DLGAP1: variants seen among roughly 807,000 people sequenced by gnomAD.
The protein encoded by DLGAP1 is DLG associated protein 1.
Under a neutral mutation model 90.8 loss-of-function variants are expected in DLGAP1, and 11 were observed. The observed-to-expected ratio is 0.12, with a 90% CI of 0.08 to 0.20. The LOEUF (loss-of-function observed/expected upper bound fraction) is 0.20. Among genes scored for constraint, DLGAP1 ranks in the 10% least tolerant of loss-of-function variants. DLGAP1 has a pLI of 1.00. For synonymous variants in DLGAP1, 558 were observed against 540.7 expected (o/e 1.03, Z -0.44); for missense variants, 1,050 against 1,333.8 (o/e 0.79, Z 3.31).
intron 2 of DLGAP1, among the ~76,000 whole-genome samples, chr18:4,128,137 T>A (rs1336948108): frequency 6.6e-6 from 1 of 152,168 alleles, no homozygotes; most frequent in African/African-American, 2.4e-5. Context: ...GGGTTCAACA[T>A]CCGTGGATAC....
intron 1 of DLGAP1, among the ~76,000 whole-genome samples, chr18:4,391,693 C>A (rs1001178576): frequency 6.6e-6 from 1 of 151,612 alleles, no homozygotes; most frequent in Non-Finnish European, 1.5e-5. Context: ...AGTAGAAATA[C>A]TGACTTTTAT....
chr18:4,128,700 G>A (rs991900054), intron 2 of DLGAP1, among the ~76,000 whole-genome samples: 23 of 152,120 alleles, frequency 1.5e-4, no homozygotes, highest in Non-Finnish European at 2.9e-4. Context: ...TGCTATCAGC[G>A]AGGATCCAAG....
At position 3,508,650 on chromosome 18, in the gene DLGAP1, T is replaced by C. The variant is rs769098308; in HGVS notation, c.2491A>G (p.Ile831Val). 6.2e-7 allele frequency: 1 copy of C among 1,613,676 alleles called. No homozygotes were observed. Among genetic ancestry groups the C allele is most frequent in the South Asian group, 1.1e-5 (1 of 91,012 alleles). ...NNLPEDILGKIRTAVGSAQLL... is the reference protein window; with the variant it reads ...NNLPEDILGKVRTAVGSAQLL... ...TGGGCACTGCCCACTGCGGTTCGGA[T>C]TTTTCCTAGAACTGGAAAGAGCAAA... Residue 831 changes from isoleucine (I) to valine (V), a missense_variant, in exon 11 of 13, where the codon ATC becomes GTC. By Grantham distance (29) the Ile-to-Val change is conservative. Transcript: ENST00000315677.
At chr18:4,382,435 C>T (rs1202345836) in intron 1 of DLGAP1, among the ~76,000 whole-genome samples, 3 of 149,622 alleles carry the variant, frequency 2.0e-5, no homozygotes, top group Non-Finnish European at 4.4e-5. Context: ...GAAAAATCTA[C>T]TAATTGATCA....
Position 4,369,236 on chromosome 18 carries a change from CAT to C in DLGAP1, c.-267+85768_-267+85769del, listed in dbSNP as rs199744593. Among the ~76,000 whole-genome samples the C allele has an allele frequency of 7.8e-4, 118 of 152,186 alleles. No individual in the cohort carries two copies. The East Asian group carries it at 0.014, about 19-fold the overall frequency. ...GCATATGAATATAAACCCGTGTGCA[CAT>C]ATGTGTGTATTTGACTATATATGCA... On this transcript the variant is annotated intron_variant, in intron 1 of 12. Transcript: ENST00000315677.
chr18:4,273,304 TC>T (rs1310639981), intron 1 of DLGAP1, among the ~76,000 whole-genome samples: 1 of 152,180 alleles, frequency 6.6e-6, no homozygotes, highest in African/African-American at 2.4e-5. Flanking sequence ...CGCTCTTGCT[TC>T]CCCAGCATAC....
intron 7 of DLGAP1, among the ~76,000 whole-genome samples, chr18:3,635,903 C>T (rs549872443): frequency 8.6e-5 from 13 of 151,488 alleles, no homozygotes; most frequent in Non-Finnish European, 1.8e-4. Flanking sequence ...ATTCACTCTT[C>T]GAAATGCCTT....
At chr18:3,801,827 T>C (rs1054310456) in intron 5 of DLGAP1, among the ~76,000 whole-genome samples, 3 of 152,072 alleles carry the variant, frequency 2.0e-5, no homozygotes, top group African/African-American at 7.2e-5. Context: ...ACGAGAAGAA[T>C]GACTGCTGAG....
At chr18:3,661,386 G>C (rs373282247) in intron 7 of DLGAP1, among the ~76,000 whole-genome samples, 176 of 152,284 alleles carry the variant, frequency 1.2e-3, no homozygotes, top group African/African-American at 4.1e-3. Context: ...AAATGATGCT[G>C]TCTGCCCAGA....
Position 3,879,572 on chromosome 18 carries a change from C to T in DLGAP1, c.497G>A (p.Gly166Asp), listed in dbSNP as rs2071094706. 1 of 1,598,878 alleles carries T rather than the reference C, an allele frequency of 6.3e-7. No individual in the cohort carries two copies. Among genetic ancestry groups the T allele is most frequent in the East Asian group, 2.2e-5 (1 of 44,786 alleles). Residue 166 changes from glycine (G) to aspartate (D), a missense_variant, in exon 4 of 13, where the codon GGC becomes GAC. Gly to Asp is a moderately conservative substitution (Grantham distance 94). Around this residue, in one of 2 missense-constraint regions of DLGAP1, gnomAD observed 485 missense variants for 454.1 expected, o/e 1.07. Transcript: ENST00000315677. The surrounding 1 kb of genome is among the most constrained non-coding windows in gnomAD (Gnocchi z 6.6). The stretch of plus-strand genomic sequence containing the variant: ...CTGCGCCTCGTCAGGGCTGGCCTTG[C>T]CCCCGTTGACGCTGCCCTTGGACGG... ...EGPSKGSVNG[G>D]KASPDEAQAA...
rs541911033 is a variant in DLGAP1 at position 3,638,247 on chromosome 18, CTTT to C, written c.1592-56002_1592-56000del. On this transcript the variant is annotated intron_variant, in intron 7 of 12. Coordinates refer to ENST00000315677, the MANE Select transcript of DLGAP1 (RefSeq NM_004746.4). Reference sequence around the variant, plus strand: ...CAGGCGTGAGCCACCGTGCCCGGCCCTTTTTTTTTTTTTTTTTTGAGGCAGTGT... The same window carrying C: ...CAGGCGTGAGCCACCGTGCCCGGCCCTTTTTTTTTTTTTTTGAGGCAGTGT... Among the ~76,000 whole-genome samples, 99 of 129,846 alleles carry C rather than the reference CTTT, an allele frequency of 7.6e-4. 2 individuals are homozygous for C. Among genetic ancestry groups the C allele is most frequent in the Middle Eastern group, 4.2e-3 (1 of 238 alleles). The allele number at this position is 129,846 out of a possible 152,430, so 85.2% of individuals were successfully genotyped here.
At chr18:3,848,201 G>T (rs141297557) in intron 4 of DLGAP1, among the ~76,000 whole-genome samples, 69 of 141,690 alleles carry the variant, frequency 4.9e-4, no homozygotes, top group African/African-American at 1.7e-3. Context: ...AAAAGAGATG[G>T]CTTAGAATGA....
chr18:4,336,404 G>A (rs2143793462), intron 1 of DLGAP1, among the ~76,000 whole-genome samples: 1 of 152,302 alleles, frequency 6.6e-6, no homozygotes, highest in East Asian at 1.9e-4. Context: ...GAAGAAGCTG[G>A]TCTGAAGGTA....
chr18:4,021,971 C>A (rs1362028854), intron 2 of DLGAP1, among the ~76,000 whole-genome samples: 1 of 152,172 alleles, frequency 6.6e-6, no homozygotes, highest in African/African-American at 2.4e-5. Context: ...CTGTCCTCAA[C>A]TGCAGTAACT....
At chr18:4,170,956 T>C (rs1368350846) in intron 1 of DLGAP1, among the ~76,000 whole-genome samples, 1 of 152,152 alleles carries the variant, frequency 6.6e-6, no homozygotes, top group Non-Finnish European at 1.5e-5. Context: ...CTCAGTGAAC[T>C]CTGTTTTTTA....
intron 1 of DLGAP1, among the ~76,000 whole-genome samples, chr18:4,372,431 G>A (rs1329153554): frequency 1.3e-5 from 2 of 152,150 alleles, no homozygotes; most frequent in Admixed American, 6.5e-5. Flanking sequence ...ATAAATATGT[G>A]CTGAATTTAT....
At chr18:3,607,366 C>G (rs1224695887) in intron 7 of DLGAP1, 1 of 152,068 alleles carries the variant, frequency 6.6e-6, no homozygotes, top group East Asian at 1.9e-4. Flanking sequence ...TTTTGTTGCC[C>G]AGGCTGGTCT....
chr18:4,283,773 A>G (rs11661025), intron 1 of DLGAP1, among the ~76,000 whole-genome samples: 10,328 of 152,114 alleles, frequency 0.068, 503 homozygotes, highest in African/African-American at 0.14. Context: ...CAAAAGTTTT[A>G]TTCAATATAG....
chr18:4,265,663 C>T lies in DLGAP1; in HGVS notation c.-266-114376G>A, dbSNP rs56754254. Among the ~76,000 whole-genome samples the T allele has an allele frequency of 1.8e-3, 97 of 54,264 alleles. 1 individual carries two copies. Among genetic ancestry groups the T allele is most frequent in the African/African-American group, 3.7e-3 (21 of 5,712 alleles). The allele number at this position is 54,264 out of a possible 152,430, so 35.6% of individuals were successfully genotyped here. A position where few individuals can be genotyped will look rare whatever the true frequency, so the allele number is the denominator to read the frequency against. On this transcript the variant is annotated intron_variant, in intron 1 of 12. Transcript: ENST00000315677. ...CCCTTCCCTCCCTCCCTCCCTCCCTCCCTTCCTTCCTTCCTTCCTTCCTTC... is the reference window on the plus strand; with the variant it reads ...CCCTTCCCTCCCTCCCTCCCTCCCTTCCTTCCTTCCTTCCTTCCTTCCTTC...
Sources: allele counts gnomAD v4.1 joint callset (sites outside exome capture counted in the v4.1 genomes callset), GRCh38; gene constraint gnomAD v4.1.1; regional missense constraint gnomAD v4.1.1; non-coding constraint Gnocchi (gnomAD v3.1); transcripts MANE v1.5; gene names NCBI Gene and HGNC (gene_info 2026-07-23, HGNC 2026-07-21).